Variants in NADK observed in about 807,000 individuals in gnomAD.
NADK encodes NAD kinase.
A neutral mutation model predicts 49.8 loss-of-function variants in NADK; 22 were observed. That is an observed-to-expected ratio of 0.44 (90% CI 0.32 to 0.63). The LOEUF (loss-of-function observed/expected upper bound fraction) is 0.63, where lower values mean the gene tolerates loss of function less well. Ranked by LOEUF, NADK falls within the 30% of genes least tolerant of loss-of-function variation. NADK has a pLI of 0.06. For synonymous variants in NADK, 268 were observed against 253.7 expected (o/e 1.06, Z -0.54); for missense variants, 438 against 609.4 (o/e 0.72, Z 2.96).
In NADK at chr1:1,753,157, C is replaced by A. The variant is rs1340126480; in HGVS notation, c.1185-97G>T. On this transcript the variant is annotated intron_variant, in intron 11 of 11. Transcript: ENST00000341426. ...CCTCCCTCCCTGGGAATGGCCGGGA[C>A]TCTTTTCCTGTGGGGCCGGGCAGCC... 221 of 1,438,436 alleles carry A rather than the reference C, an allele frequency of 1.5e-4. 1 individual carries two copies. The East Asian group carries it at 5.3e-3, about 35-fold the overall frequency. 89.1% of individuals were successfully genotyped at this position (1,438,436 alleles called of 1,614,324 possible).
chr1:1,756,191 G>C, intron 6 of NADK, 67 bp downstream of exon 6: 1 of 1,410,856 alleles, frequency 7.1e-7, no homozygotes, highest in South Asian at 1.2e-5. Context: ...AGCCATGCTT[G>C]TGAGCCCCTC....
intron 3 of NADK, chr1:1,759,946 G>A (rs1441557739): frequency 2.6e-6 from 4 of 1,543,960 alleles, no homozygotes; most frequent in African/African-American, 1.4e-5. Flanking sequence ...GGCAGCGGGG[G>A]AGAGGCCCGG....
At position 1,776,259 on chromosome 1, in the gene NADK, G is replaced by A. The variant is rs561209989; in HGVS notation, c.-41+2030C>T. On this transcript the variant is annotated intron_variant, in intron 1 of 11. Transcript: ENST00000341426. ...GCCACTTTCCCCCTATTTGTTCACC[G>A]CCTCCACTCCACAAGAACTGCTCTT... Among the ~76,000 whole-genome samples the A allele has an allele frequency of 3.9e-5, 6 of 152,200 alleles. No individual in the cohort carries two copies. In the East Asian group the frequency reaches 5.8e-4, roughly 15 times the overall value.
chr1:1,754,947 A>G lies in NADK; in HGVS notation c.689-249T>C, dbSNP rs1032493187. ...AGTGATTCTCCTGCCTCAGCCTCCCAAGTAGCTGGAACTACGGGTGCGCAC... is the reference window on the plus strand; with the variant it reads ...AGTGATTCTCCTGCCTCAGCCTCCCGAGTAGCTGGAACTACGGGTGCGCAC... On this transcript the variant is annotated intron_variant, in intron 7 of 11. Transcript: ENST00000341426. The surrounding 1 kb of genome is among the most constrained non-coding windows in gnomAD (Gnocchi z 4.3). 2 of 474,902 alleles carry G rather than the reference A, an allele frequency of 4.2e-6. No individual in the cohort carries two copies. Among genetic ancestry groups the G allele is most frequent in the Admixed American group, 3.9e-5 (1 of 25,520 alleles). The allele number at this position is 474,902 out of a possible 1,614,324, so 29.4% of individuals were successfully genotyped here. A position where few individuals can be genotyped will look rare whatever the true frequency, so the allele number is the denominator to read the frequency against.
chr1:1,772,160 A>AT (rs111782958), intron 1 of NADK, among the ~76,000 whole-genome samples: 21,719 of 136,642 alleles, frequency 0.16, 1,784 homozygotes, highest in Middle Eastern at 0.36. Flanking sequence ...GGAACCCTGA[A>AT]TTTTTTTTTT....
At chr1:1,759,638 G>T in intron 3 of NADK, 1 of 1,345,192 alleles carries the variant, frequency 7.4e-7, no homozygotes, top group Non-Finnish European at 1.0e-6. Context: ...GGAAGCGGGA[G>T]GTTATGATCC....
rs772428078 is a variant in NADK at position 1,757,163 on chromosome 1, C to T, written c.393+18G>A. ...CTCCATGTGCACCCCAGGCCCCCTT[C>T]CCCCCTGCCCCGCGTGCCTCCATGA... On this transcript the variant is annotated intron_variant, in intron 4 of 11. Coordinates refer to ENST00000341426, the MANE Select transcript of NADK (RefSeq NM_023018.5). 7.0e-6 allele frequency: 11 copies of T among 1,561,144 alleles called. No homozygotes were observed. The highest frequency in any genetic ancestry group is 2.2e-5 in the South Asian group (2 of 89,456).
At chr1:1,772,091 G>T (rs1401354346) in intron 1 of NADK, among the ~76,000 whole-genome samples, 1 of 151,708 alleles carries the variant, frequency 6.6e-6, no homozygotes, top group Non-Finnish European at 1.5e-5. Flanking sequence ...TTACAGGCGT[G>T]AGCCACCTCA....
chr1:1,757,050 C>A, intron 4 of NADK, 131 bp downstream of exon 4: 1 of 1,371,922 alleles, frequency 7.3e-7, no homozygotes, highest in Non-Finnish European at 1.0e-6. Context: ...CCACTCAGTC[C>A]CCAGTTCCAG....
chr1:1,757,268 CT>C lies in NADK; in HGVS notation c.305del (p.Lys102SerfsTer12), dbSNP rs1557839526. 1 of 1,613,760 alleles carries C rather than the reference CT, an allele frequency of 6.2e-7. No homozygotes were observed. The highest frequency in any genetic ancestry group is 1.7e-5 in the Admixed American group (1 of 59,984). On this transcript the variant is annotated frameshift_variant, in exon 4 of 12. Transcript: ENST00000341426. LOFTEE classifies it high-confidence loss of function. ...DPASQRLTWN[K>X]SPKSVLVIKK... ...TGATGACAAGGACGCTCTTTGGGGA[CT>C]TGTTCCACGTCAGCCGCTGGCTCGC...
chr1:1,755,677 G>A (rs1645494269), intron 6 of NADK, among the ~76,000 whole-genome samples: 1 of 152,184 alleles, frequency 6.6e-6, no homozygotes, highest in Admixed American at 6.5e-5. Flanking sequence ...GGTTGGTGTG[G>A]GGAGCTGGTG....
At chr1:1,774,725 G>C (rs1234969771) in intron 1 of NADK, among the ~76,000 whole-genome samples, 2 of 152,198 alleles carry the variant, frequency 1.3e-5, no homozygotes, top group Non-Finnish European at 1.5e-5. Flanking sequence ...TAATTCATTT[G>C]TTTGATATAT....
intron 1 of NADK, among the ~76,000 whole-genome samples, chr1:1,765,803 G>A (rs895232570): frequency 1.3e-5 from 2 of 152,130 alleles, no homozygotes; most frequent in South Asian, 2.1e-4. Context: ...CTAGCTACTC[G>A]GTAGACTGAG....
chr1:1,761,802 T>G, intron 3 of NADK, 150 bp downstream of exon 3: 2 of 673,334 alleles, frequency 3.0e-6, no homozygotes, highest in Non-Finnish European at 2.6e-6. Context: ...ACTTCTCACA[T>G]GAAGTGCTAG....
intron 3 of NADK, among the ~76,000 whole-genome samples, chr1:1,761,271 G>GTT (rs1181393417): frequency 2.0e-5 from 3 of 152,188 alleles, no homozygotes; most frequent in African/African-American, 2.4e-5. Context: ...GATTACAGGT[G>GTT]TGAGCCACCG....
chr1:1,758,532 C>A (rs774126543), intron 3 of NADK: 5 of 1,605,296 alleles, frequency 3.1e-6, no homozygotes, highest in African/African-American at 1.3e-5. Context: ...GCCGCCCCAT[C>A]GGTATGGTCC....
chr1:1,767,913 C>T (rs1645932906), intron 1 of NADK, among the ~76,000 whole-genome samples: 1 of 152,142 alleles, frequency 6.6e-6, no homozygotes. Context: ...TGGCACACAT[C>T]TGTAATCCTA....
In NADK at chr1:1,754,193, G is replaced by A; in HGVS notation, c.959C>T (p.Thr320Ile). ...TVQGDGVIVS[T>I]PTGSTAYAAA... The stretch of plus-strand genomic sequence containing the variant: ...CGCATACGCCGTGCTGCCCGTCGGG[G>A]TGGACACGATCACTCCTGACAGGGA... The change falls in exon 10 of 12, where the codon ACC (threonine) becomes ATC (isoleucine). Residue 320 changes from threonine (T) to isoleucine (I), a missense_variant. Physicochemically the swap from Thr to Ile is moderately conservative, Grantham distance 89 (BLOSUM62 -1). Coordinates refer to ENST00000341426, the MANE Select transcript of NADK (RefSeq NM_023018.5). This position sits in a 1 kb window ranked among gnomAD's most constrained non-coding sequence, Gnocchi z 4.3. The A allele has an allele frequency of 6.2e-7, 1 of 1,612,754 alleles. No homozygotes were observed. Among genetic ancestry groups the A allele is most frequent in the Non-Finnish European group, 8.5e-7 (1 of 1,179,814 alleles).
intron 3 of NADK, among the ~76,000 whole-genome samples, chr1:1,757,613 C>T (rs536212929): frequency 2.8e-4 from 42 of 152,232 alleles, no homozygotes; most frequent in African/African-American, 5.3e-4. Context: ...TCCCAGCCCC[C>T]GGCCACTTGC....
Sources: allele counts gnomAD v4.1 joint callset (sites outside exome capture counted in the v4.1 genomes callset), GRCh38; gene constraint gnomAD v4.1.1; non-coding constraint Gnocchi (gnomAD v3.1); transcripts MANE v1.5; gene names NCBI Gene and HGNC (gene_info 2026-07-23, HGNC 2026-07-21).